EGFLAM: variants seen among roughly 807,000 people sequenced by gnomAD.
EGFLAM encodes the protein EGF like, fibronectin type III and laminin G domains.
In EGFLAM, 79 loss-of-function variants were observed where a neutral mutation model predicts 113.1. The ratio of observed to expected loss-of-function variants is 0.70; its 90% confidence interval spans 0.58 to 0.84. The LOEUF (loss-of-function observed/expected upper bound fraction) is 0.84, where lower values mean the gene tolerates loss of function less well. EGFLAM is among the 40% of genes least tolerant of loss of function. The pLI is 0.00. For synonymous variants in EGFLAM, 504 were observed against 487.6 expected (o/e 1.03, Z -0.44); for missense variants, 1,265 against 1,291.6 (o/e 0.98, Z 0.32).
At chr5:38,416,256 T>C (rs915442090) in intron 11 of EGFLAM, among the ~76,000 whole-genome samples, 2 of 151,948 alleles carry the variant, frequency 1.3e-5, no homozygotes, top group African/African-American at 4.8e-5. Flanking sequence ...AGATGTGGAG[T>C]CCTGTGCAAG....
chr5:38,413,517 C>T (rs1741551605), intron 11 of EGFLAM, among the ~76,000 whole-genome samples: 1 of 152,004 alleles, frequency 6.6e-6, no homozygotes, highest in African/African-American at 2.4e-5. Context: ...TGTTGGGCTA[C>T]TCAGCAAATC....
chr5:38,438,606 AT>A, intron 17 of EGFLAM, 151 bp downstream of exon 17: 1 of 797,828 alleles, frequency 1.3e-6, no homozygotes. Flanking sequence ...TTATTAGATG[AT>A]TATTTATAAA....
chr5:38,301,278 T>A (rs952133880), intron 1 of EGFLAM, among the ~76,000 whole-genome samples: 1 of 152,146 alleles, frequency 6.6e-6, no homozygotes, highest in Admixed American at 6.5e-5. Flanking sequence ...CAAGGAAACC[T>A]GGAACCCAAG....
chr5:38,416,891 TAAAAC>T (rs2112157431), intron 11 of EGFLAM, among the ~76,000 whole-genome samples: 1 of 152,336 alleles, frequency 6.6e-6, no homozygotes, highest in African/African-American at 2.4e-5. Context: ...TCAGAAAAGA[TAAAAC>T]AATCATTAGA....
intron 17 of EGFLAM, among the ~76,000 whole-genome samples, chr5:38,446,053 T>TG (rs1742700379): frequency 6.6e-6 from 1 of 152,076 alleles, no homozygotes; most frequent in Non-Finnish European, 1.5e-5. Context: ...CTCTCCCCCG[T>TG]GGGGGTGAGC....
intron 1 of EGFLAM, among the ~76,000 whole-genome samples, chr5:38,272,749 G>GGTGT (rs1410518112): frequency 8.6e-6 from 1 of 116,582 alleles, no homozygotes; most frequent in Non-Finnish European, 1.8e-5. Context: ...CTTTTTGAGA[G>GGTGT]GTGTGTGTAT....
chr5:38,357,252 T>C (rs1391563367), intron 5 of EGFLAM, among the ~76,000 whole-genome samples: 1 of 152,056 alleles, frequency 6.6e-6, no homozygotes, highest in African/African-American at 2.4e-5. Flanking sequence ...TGAGACCCTG[T>C]CTCATAAAGA....
intron 1 of EGFLAM, among the ~76,000 whole-genome samples, chr5:38,261,497 A>T (rs1041016303): frequency 6.6e-6 from 1 of 152,196 alleles, no homozygotes; most frequent in African/African-American, 2.4e-5. Flanking sequence ...TATCTCATCC[A>T]AGGTCACACA....
intron 6 of EGFLAM, among the ~76,000 whole-genome samples, chr5:38,372,451 G>A (rs538767630): frequency 2.0e-5 from 3 of 152,250 alleles, no homozygotes; most frequent in South Asian, 4.1e-4. Context: ...GAGCCATGAC[G>A]CCCGGCCTCA....
intron 6 of EGFLAM, among the ~76,000 whole-genome samples, chr5:38,388,059 G>T (rs968044927): frequency 1.3e-5 from 2 of 152,182 alleles, no homozygotes; most frequent in African/African-American, 4.8e-5. Context: ...CAGGCTTTTG[G>T]AATGTGAGTT....
At chr5:38,366,448 T>C (rs1408060436) in intron 5 of EGFLAM, among the ~76,000 whole-genome samples, 3 of 152,224 alleles carry the variant, frequency 2.0e-5, no homozygotes, top group Non-Finnish European at 2.9e-5. Context: ...TGGAGCCTCC[T>C]GGAATATAAC....
chr5:38,427,793 G>A (rs1742064847), intron 14 of EGFLAM, among the ~76,000 whole-genome samples: 1 of 152,168 alleles, frequency 6.6e-6, no homozygotes. Flanking sequence ...CGTTCCCTAA[G>A]CAATATGCTC....
chr5:38,260,177 T>C (rs1009617805), intron 1 of EGFLAM, among the ~76,000 whole-genome samples: 2 of 152,346 alleles, frequency 1.3e-5, no homozygotes, highest in South Asian at 2.1e-4. Context: ...CACATACATA[T>C]ACCTTCAAGG....
At chr5:38,443,911 C>T (rs1174081157) in intron 17 of EGFLAM, among the ~76,000 whole-genome samples, 1 of 151,970 alleles carries the variant, frequency 6.6e-6, no homozygotes, top group Non-Finnish European at 1.5e-5. Context: ...GCTGAGATTA[C>T]AGGCATGCCC....
At chr5:38,320,633 T>G (rs1447792406) in intron 1 of EGFLAM, among the ~76,000 whole-genome samples, 1 of 152,086 alleles carries the variant, frequency 6.6e-6, no homozygotes, top group East Asian at 1.9e-4. Flanking sequence ...CGTGTGTGTG[T>G]GTATATGTGT....
At chr5:38,459,967 A>T (rs1016802788) in intron 20 of EGFLAM, among the ~76,000 whole-genome samples, 2 of 152,246 alleles carry the variant, frequency 1.3e-5, no homozygotes, top group African/African-American at 4.8e-5. Context: ...GAATATCCAC[A>T]TGCTTGGATT....
intron 1 of EGFLAM, among the ~76,000 whole-genome samples, chr5:38,306,006 C>G (rs1311525081): frequency 6.6e-6 from 1 of 152,146 alleles, no homozygotes; most frequent in Non-Finnish European, 1.5e-5. Flanking sequence ...GTTATGTGAG[C>G]CAAGAGGTAG....
At position 38,338,263 on chromosome 5, in the gene EGFLAM, C is replaced by CCCGGTACCACCCCAAT. The variant is rs554541937; in HGVS notation, c.208-432_208-417dup. On this transcript the variant is annotated intron_variant, in intron 2 of 21. Coordinates refer to ENST00000322350, the MANE Select transcript of EGFLAM (RefSeq NM_152403.4). ...GCTTATTTTAGCTGAAATGTAAGAC[C>CCCGGTACCACCCCAAT]CCGGTACCACCCCAATCCCACCACC... is the stretch of plus-strand genomic sequence containing the variant. Among the ~76,000 whole-genome samples, 819 of 152,190 alleles carry CCCGGTACCACCCCAAT rather than the reference C, an allele frequency of 5.4e-3. 3 individuals carry two copies. Among genetic ancestry groups the CCCGGTACCACCCCAAT allele is most frequent in the Non-Finnish European group, 1.0e-2 (677 of 68,002 alleles).
At chr5:38,297,705 T>G (rs988533048) in intron 1 of EGFLAM, among the ~76,000 whole-genome samples, 1 of 152,210 alleles carries the variant, frequency 6.6e-6, no homozygotes, top group East Asian at 1.9e-4. Context: ...GGCAAAAAGC[T>G]AGCAAGAGTC....
Sources: gnomAD v4.1 joint callset for allele counts (sites outside exome capture counted in the v4.1 genomes callset) on GRCh38, gnomAD v4.1.1 for gene constraint, MANE v1.5 for transcripts, NCBI Gene and HGNC (gene_info 2026-07-23, HGNC 2026-07-21) for gene names.